Variants in LONP2 observed in about 807,000 individuals in gnomAD.
The protein encoded by LONP2 is lon protease homolog 2, peroxisomal.
LONP2 carries 60 observed loss-of-function variants against 85.6 expected under a neutral mutation model. The observed-to-expected ratio is 0.70, with a 90% CI of 0.57 to 0.87. The LOEUF (loss-of-function observed/expected upper bound fraction) is 0.87, where lower values mean the gene tolerates loss of function less well. Among genes scored for constraint, LONP2 ranks in the 40% least tolerant of loss-of-function variants. The probability of loss-of-function intolerance (pLI) is 0.00; values close to 1 mark genes in which losing one functional copy is unlikely to be tolerated. For synonymous variants in LONP2, 395 were observed against 389.7 expected, an observed-to-expected ratio of 1.01 and a Z score of -0.16; for missense variants, 860 against 1,063.5, an observed-to-expected ratio of 0.81 and a Z score of 2.66.
At chr16:48,319,955 G>T (rs924850908) in intron 11 of LONP2, among the ~76,000 whole-genome samples, 41 of 152,004 alleles carry the variant, frequency 2.7e-4, no homozygotes, top group African/African-American at 8.2e-4. Flanking sequence ...GAGGTCAGGA[G>T]TTCAAGACCA....
At position 48,362,546 on chromosome 16, in the gene LONP2, A is replaced by T; in HGVS notation, c.*683A>T. ...AGTTTCATACAAAATTTACTGAGCA[A>T]AAGAGGAAGAAAAATAGGATTAAAA... On this transcript the variant is annotated 3_prime_UTR_variant, in exon 5 of 5. Transcript: ENST00000565867. This position sits in a 1 kb window ranked among gnomAD's most constrained non-coding sequence, Gnocchi z 4.2. The T allele has an allele frequency of 2.0e-6, 2 of 984,976 alleles. No individual in the cohort carries two copies. Among genetic ancestry groups the T allele is most frequent in the South Asian group, 1.7e-5 (1 of 59,966 alleles). 61.0% of individuals were successfully genotyped at this position (984,976 alleles called of 1,614,324 possible). A position where few individuals can be genotyped will look rare whatever the true frequency, so the allele number is the denominator to read the frequency against.
intron 8 of LONP2, among the ~76,000 whole-genome samples, chr16:48,290,470 C>A (rs1972537494): frequency 6.6e-6 from 1 of 152,172 alleles, no homozygotes; most frequent in Non-Finnish European, 1.5e-5. Flanking sequence ...CCTCCCCCTT[C>A]AGATGCCAGT....
downstream of LONP2, among the ~76,000 whole-genome samples, chr16:48,359,656 C>T (rs1426247338): frequency 6.6e-6 from 1 of 151,752 alleles, no homozygotes; most frequent in African/African-American, 2.4e-5. Context: ...GCCGAGGTTG[C>T]AGTGAGCCGA....
At chr16:48,285,839 A>G (rs1972428182) in intron 8 of LONP2, among the ~76,000 whole-genome samples, 1 of 152,186 alleles carries the variant, frequency 6.6e-6, no homozygotes, top group Non-Finnish European at 1.5e-5. Context: ...TTATGTGTAC[A>G]GTTCAGTAAT....
In LONP2 at chr16:48,348,085, T is replaced by G. The variant is rs747031119; in HGVS notation, c.2147-15T>G. 8.9e-6 allele frequency: 14 copies of G among 1,581,252 alleles called. No individual in the cohort carries two copies. The highest frequency in any genetic ancestry group is 1.4e-5 in the African/African-American group (1 of 72,706). ...TTAATTTTTCTACATTAAAGTCCCT[T>G]TTTCCTTTTTAAAGCTTTTGGAAGT... On this transcript the variant is annotated splice_polypyrimidine_tract_variant and intron_variant, in intron 13 of 14. Coordinates refer to ENST00000285737, the MANE Select transcript of LONP2 (RefSeq NM_031490.5).
At chr16:48,285,494 G>A (rs375922660) in intron 8 of LONP2, among the ~76,000 whole-genome samples, 8 of 151,960 alleles carry the variant, frequency 5.3e-5, no homozygotes, top group African/African-American at 1.9e-4. Context: ...GTGGAGTCCC[G>A]TAGGTCTCTA....
chr16:48,259,340 T>G (rs1325801776), intron 4 of LONP2, among the ~76,000 whole-genome samples: 1 of 152,230 alleles, frequency 6.6e-6, no homozygotes, highest in Admixed American at 6.5e-5. Context: ...GCTTTTTGTT[T>G]GACTCAACAC....
chr16:48,334,316 T>C lies in LONP2; in HGVS notation c.1896T>C (p.His632=), dbSNP rs771714119. The part of the protein sequence containing the change: ...PPEMPILIDF[H]ALKDILGPPM... ...AAATGCCGATTTTGATTGATTTCCATGCTCTGAAAGACATCCTTGGGCCCC... is the reference window on the plus strand; with the variant it reads ...AAATGCCGATTTTGATTGATTTCCACGCTCTGAAAGACATCCTTGGGCCCC... Residue 632 remains histidine, a synonymous_variant, in exon 12 of 15, where the codon CAT becomes CAC. Transcript: ENST00000285737. 93 of 1,614,108 alleles carry C rather than the reference T, an allele frequency of 5.8e-5. No individual in the cohort carries two copies. Among genetic ancestry groups the C allele is most frequent in the African/African-American group, 1.2e-4 (9 of 74,936 alleles).
At chr16:48,308,243 A>G (rs1018374713) in intron 11 of LONP2, among the ~76,000 whole-genome samples, 1 of 152,218 alleles carries the variant, frequency 6.6e-6, no homozygotes, top group Non-Finnish European at 1.5e-5. Context: ...CTGGGAAAGG[A>G]CAACCTATTC....
At chr16:48,316,863 A>G (rs1210088870) in intron 11 of LONP2, among the ~76,000 whole-genome samples, 1 of 150,740 alleles carries the variant, frequency 6.6e-6, no homozygotes, top group African/African-American at 2.4e-5. Context: ...CATTTCTTGT[A>G]TTTTTTTACT....
At chr16:48,306,667 T>C (rs773496775) in intron 11 of LONP2, among the ~76,000 whole-genome samples, 1 of 152,224 alleles carries the variant, frequency 6.6e-6, no homozygotes, top group Non-Finnish European at 1.5e-5. Context: ...ACAGCCATTC[T>C]CTAGACCTTA....
Position 48,329,690 on chromosome 16 carries a change from T to C in LONP2, c.1796-4526T>C, listed in dbSNP as rs1301278913. ...CTGTGGAGAAGGGGTGACTACTGTG[T>C]ATGTAAAAATCACCCTGTGTGAAAT... On this transcript the variant is annotated intron_variant, in intron 11 of 14. Coordinates refer to ENST00000285737, the MANE Select transcript of LONP2 (RefSeq NM_031490.5). Among the ~76,000 whole-genome samples the C allele has an allele frequency of 2.0e-5, 3 of 152,184 alleles. No homozygotes were observed. In the South Asian group the frequency reaches 6.2e-4, roughly 32 times the overall value.
intron 11 of LONP2, among the ~76,000 whole-genome samples, chr16:48,306,015 A>C (rs1351091399): frequency 6.6e-6 from 1 of 151,916 alleles, no homozygotes; most frequent in Non-Finnish European, 1.5e-5. Flanking sequence ...TGACAGTGAC[A>C]GTGGAGAACT....
At chr16:48,362,331 T>C (rs1713532839), downstream of LONP2, 1 of 1,614,110 alleles carries the variant, frequency 6.2e-7, no homozygotes, top group Non-Finnish European at 8.5e-7. The surrounding 1 kb of genome is among the most constrained non-coding windows in gnomAD (Gnocchi z 4.2). Flanking sequence ...CGCCAAGTCA[T>C]TGTTGGATGC....
intron 8 of LONP2, among the ~76,000 whole-genome samples, chr16:48,287,909 A>G (rs1972480929): frequency 6.6e-6 from 1 of 152,118 alleles, no homozygotes; most frequent in African/African-American, 2.4e-5. Context: ...CCATTATATA[A>G]TAGAAGTGCT....
chr16:48,306,682 A>G (rs2151004293), intron 11 of LONP2, among the ~76,000 whole-genome samples: 1 of 152,318 alleles, frequency 6.6e-6, no homozygotes, highest in East Asian at 1.9e-4. Flanking sequence ...ACCTTAGTAG[A>G]ATGATTATTA....
intron 8 of LONP2, among the ~76,000 whole-genome samples, chr16:48,287,948 C>T (rs1972481806): frequency 6.6e-6 from 1 of 152,050 alleles, no homozygotes; most frequent in East Asian, 1.9e-4. Context: ...TGATTCTGTG[C>T]TTGAATGATT....
intron 8 of LONP2, among the ~76,000 whole-genome samples, chr16:48,281,070 A>G (rs1596941586): frequency 6.6e-6 from 1 of 152,326 alleles, no homozygotes; most frequent in East Asian, 1.9e-4. Flanking sequence ...CCTGCTTTTA[A>G]AAAATGATAT....
At chr16:48,347,755 G>A (rs764615229) in intron 13 of LONP2, 41 bp downstream of exon 13, 1 of 1,570,426 alleles carries the variant, frequency 6.4e-7, no homozygotes, top group Non-Finnish European at 8.7e-7. Flanking sequence ...GACCCAGGAG[G>A]CGGTACCTTC....
Sources: gnomAD v4.1 joint callset for allele counts (sites outside exome capture counted in the v4.1 genomes callset) on GRCh38, gnomAD v4.1.1 for gene constraint, Gnocchi (gnomAD v3.1) non-coding constraint, MANE v1.5 for transcripts, NCBI Gene and HGNC (gene_info 2026-07-23, HGNC 2026-07-21) for gene names.